The following ADD3 variants were observed in gnomAD, a reference collection of about 807,000 sequenced individuals.
ADD3 encodes the protein gamma-adducin.
Under a neutral mutation model 80.2 loss-of-function variants are expected in ADD3, and 25 were observed. The observed-to-expected ratio is 0.31, with a 90% CI of 0.23 to 0.44. The LOEUF (loss-of-function observed/expected upper bound fraction) is 0.44. Among genes scored for constraint, ADD3 ranks in the 20% least tolerant of loss-of-function variants. ADD3 has a pLI of 1.00. For missense variants in ADD3, 829 were observed against 847.5 expected, an observed-to-expected ratio of 0.98 and a Z score of 0.27; for synonymous variants, 284 against 289.6, an observed-to-expected ratio of 0.98 and a Z score of 0.20.
intron 1 of ADD3, among the ~76,000 whole-genome samples, chr10:110,023,020 A>C (rs73349436): frequency 1.7e-3 from 257 of 152,292 alleles, no homozygotes; most frequent in African/African-American, 6.0e-3. Context: ...CACCTCTTTC[A>C]GTTGAGAAGA....
At chr10:110,047,648 G>A (rs576025096) in intron 1 of ADD3, among the ~76,000 whole-genome samples, 1 of 152,250 alleles carries the variant, frequency 6.6e-6, no homozygotes, top group South Asian at 2.1e-4. Flanking sequence ...AACTTGTCAT[G>A]CTACTTATCG....
intron 1 of ADD3, among the ~76,000 whole-genome samples, chr10:109,996,980 T>G (rs1215335896): frequency 6.6e-6 from 1 of 152,208 alleles, no homozygotes; most frequent in Admixed American, 6.5e-5. Flanking sequence ...TACCTCTAAC[T>G]ATAGATCACA....
At chr10:110,010,583 T>C (rs1029281590) in intron 1 of ADD3, among the ~76,000 whole-genome samples, 41 of 152,352 alleles carry the variant, frequency 2.7e-4, no homozygotes, top group Admixed American at 2.7e-3. Flanking sequence ...TAGGTCATGC[T>C]ACCCAGCATG....
At chr10:110,087,323 T>C (rs2481112) in intron 1 of ADD3, among the ~76,000 whole-genome samples, 84,081 of 152,152 alleles carry the variant, frequency 0.55, 26,899 homozygotes, top group African/African-American at 0.86. Context: ...TGAGCTACCA[T>C]GCCTGGTCCT....
chr10:110,042,185 A>G (rs1404389675), intron 1 of ADD3, among the ~76,000 whole-genome samples: 4 of 152,254 alleles, frequency 2.6e-5, no homozygotes, highest in Non-Finnish European at 4.4e-5. Context: ...TGAGCTTGCC[A>G]TAATTAGAAG....
At chr10:110,119,106 C>T in intron 6 of ADD3, 105 bp from the exon 7 acceptor site, 1 of 1,245,672 alleles carries the variant, frequency 8.0e-7, no homozygotes, top group Non-Finnish European at 1.1e-6. Context: ...TGGTGAAACA[C>T]AGTGAATAGG....
Position 110,015,634 on chromosome 10 carries a change from A to G in ADD3, c.-30+7335A>G, listed in dbSNP as rs545467784. ...CGTGATCCGTCCGCCTCGGCCTCCCAAAGTTCTGGGATTACAGGTGTGAGC... is the reference window on the plus strand; with the variant it reads ...CGTGATCCGTCCGCCTCGGCCTCCCGAAGTTCTGGGATTACAGGTGTGAGC... On this transcript the variant is annotated intron_variant, in intron 1 of 14. Coordinates refer to ENST00000356080, the MANE Select transcript of ADD3 (RefSeq NM_016824.5). Among the ~76,000 whole-genome samples, 24 of 152,244 alleles carry G rather than the reference A, an allele frequency of 1.6e-4. No individual in the cohort carries two copies. The East Asian group carries it at 4.4e-3, about 28-fold the overall frequency.
At chr10:110,094,718 C>T (rs1391883458) in intron 1 of ADD3, among the ~76,000 whole-genome samples, 1 of 152,168 alleles carries the variant, frequency 6.6e-6, no homozygotes, top group Non-Finnish European at 1.5e-5. Context: ...CACTAGTGAT[C>T]TAAGGATAGT....
At chr10:110,054,479 T>C (rs1454249734) in intron 1 of ADD3, among the ~76,000 whole-genome samples, 1 of 150,002 alleles carries the variant, frequency 6.7e-6, no homozygotes, top group Non-Finnish European at 1.5e-5. Context: ...TCTTGCCATG[T>C]TGCCCAGGCT....
chr10:110,008,533 G>A (rs1851916997), intron 1 of ADD3, among the ~76,000 whole-genome samples: 1 of 152,194 alleles, frequency 6.6e-6, no homozygotes, highest in Non-Finnish European at 1.5e-5. Flanking sequence ...GTACCTGCGG[G>A]GGAGGGTCCG....
At chr10:110,006,030 C>T, upstream of ADD3, 2 of 241,016 alleles carry the variant, frequency 8.3e-6, no homozygotes, top group Non-Finnish European at 8.4e-6. Flanking sequence ...GCTGCTGCTG[C>T]TGTTGGTCTG....
At chr10:110,073,389 G>A (rs1361120709) in intron 1 of ADD3, among the ~76,000 whole-genome samples, 1 of 151,942 alleles carries the variant, frequency 6.6e-6, no homozygotes, top group Non-Finnish European at 1.5e-5. Flanking sequence ...TGATCCACCC[G>A]CCTCGGCCTC....
chr10:110,046,679 T>C (rs1856947550), intron 1 of ADD3, among the ~76,000 whole-genome samples: 1 of 152,164 alleles, frequency 6.6e-6, no homozygotes, highest in Non-Finnish European at 1.5e-5. Flanking sequence ...TAGGTCTTGT[T>C]TTCCTCATCT....
At chr10:110,130,563 GCAGT>G in intron 13 of ADD3, 77 bp downstream of exon 13, 1 of 1,516,418 alleles carries the variant, frequency 6.6e-7, no homozygotes, top group Non-Finnish European at 9.0e-7. Context: ...ATGATAGAAA[GCAGT>G]CAGTGTGGCC....
chr10:110,116,533 C>A, intron 4 of ADD3, 123 bp downstream of exon 4: 1 of 970,786 alleles, frequency 1.0e-6, no homozygotes, highest in Admixed American at 2.6e-5. Context: ...TATGCTAGAT[C>A]ACAACCAAAT....
At chr10:110,118,542 T>C in intron 5 of ADD3, 45 bp from the exon 6 acceptor site, 1 of 1,544,884 alleles carries the variant, frequency 6.5e-7, no homozygotes, top group Non-Finnish European at 8.9e-7. Context: ...ACACAAACTT[T>C]GATACGTATA....
chr10:110,115,137 C>T (rs1446219028), intron 3 of ADD3, among the ~76,000 whole-genome samples: 1 of 150,962 alleles, frequency 6.6e-6, no homozygotes, highest in African/African-American at 2.4e-5. Context: ...GGCCTATAAT[C>T]CCAGCACTCT....
At chr10:110,059,464 A>G (rs913320692) in intron 1 of ADD3, among the ~76,000 whole-genome samples, 2 of 150,976 alleles carry the variant, frequency 1.3e-5, no homozygotes, top group Admixed American at 1.3e-4. Flanking sequence ...AAAGTGAGCA[A>G]GACTCTGTCT....
chr10:110,051,946 C>G (rs901785102), intron 1 of ADD3, among the ~76,000 whole-genome samples: 18 of 152,264 alleles, frequency 1.2e-4, no homozygotes, highest in African/African-American at 3.9e-4. Context: ...GGACCACAGG[C>G]CCACGCCATC....
Sources: gnomAD v4.1 joint callset for allele counts (sites outside exome capture counted in the v4.1 genomes callset) on GRCh38, gnomAD v4.1.1 for gene constraint, MANE v1.5 for transcripts, NCBI Gene and HGNC (gene_info 2026-07-23, HGNC 2026-07-21) for gene names.